IYD: variants seen among roughly 807,000 people sequenced by gnomAD.
IYD encodes iodotyrosine deiodinase.
Under a neutral mutation model 28.4 loss-of-function variants are expected in IYD, and 25 were observed. The observed-to-expected ratio is 0.88, with a 90% CI of 0.64 to 1.23. IYD has a LOEUF of 1.23. IYD is among the 50% of genes most tolerant of loss of function. IYD has a pLI of 0.00. For missense variants in IYD, 352 were observed against 357.9 expected, an observed-to-expected ratio of 0.98 and a Z score of 0.13; for synonymous variants, 140 against 130.8, an observed-to-expected ratio of 1.07 and a Z score of -0.48.
At chr6:150,379,647 C>G (rs1777576354) in intron 1 of IYD, among the ~76,000 whole-genome samples, 1 of 152,154 alleles carries the variant, frequency 6.6e-6, no homozygotes, top group African/African-American at 2.4e-5. Context: ...AATCCTTTCC[C>G]TAAAATGTTA....
At chr6:150,375,830 T>C (rs1777425772) in intron 1 of IYD, among the ~76,000 whole-genome samples, 1 of 152,112 alleles carries the variant, frequency 6.6e-6, no homozygotes, top group Non-Finnish European at 1.5e-5. Context: ...TCCTCCTTAG[T>C]AACATCACTC....
chr6:150,387,217 G>A (rs568469789), intron 1 of IYD, among the ~76,000 whole-genome samples: 6 of 151,986 alleles, frequency 3.9e-5, no homozygotes, highest in African/African-American at 1.4e-4. Flanking sequence ...CCTGAAGTTT[G>A]GCACCTTCTT....
At chr6:150,393,005 G>A (rs74972795) in intron 3 of IYD, among the ~76,000 whole-genome samples, 2,959 of 152,214 alleles carry the variant, frequency 0.019, 49 homozygotes, top group Middle Eastern at 0.068. Context: ...TGCTCCGGGC[G>A]CCGAAGCACA....
chr6:150,374,834 C>T (rs1777387417), intron 1 of IYD, among the ~76,000 whole-genome samples: 2 of 152,168 alleles, frequency 1.3e-5, no homozygotes, highest in South Asian at 4.1e-4. Context: ...GGGTGGGCAC[C>T]TCTTACTTGG....
chr6:150,395,994 C>T lies in IYD; in HGVS notation c.687+1739C>T, dbSNP rs1364594120. On this transcript the variant is annotated intron_variant, in intron 4 of 4. Coordinates refer to ENST00000344419, the MANE Select transcript of IYD (RefSeq NM_203395.3). Reference sequence around the variant, plus strand: ...TTGGCTCTGTAGTCATAGGAACTTGCCGTGGTGGTTGTTGTTTAGAATATA... The same window carrying T: ...TTGGCTCTGTAGTCATAGGAACTTGTCGTGGTGGTTGTTGTTTAGAATATA... 5 of 338,798 alleles carry T rather than the reference C, an allele frequency of 1.5e-5. No homozygotes were observed. The Admixed American group carries it at 1.7e-4, about 12-fold the overall frequency. 21.0% of individuals were successfully genotyped at this position (338,798 alleles called of 1,614,324 possible).
intron 1 of IYD, among the ~76,000 whole-genome samples, chr6:150,379,742 A>G (rs1777579422): frequency 6.6e-6 from 1 of 152,328 alleles, no homozygotes; most frequent in African/African-American, 2.4e-5. Flanking sequence ...AAACTTTGTC[A>G]TAAACCATTG....
intron 1 of IYD, among the ~76,000 whole-genome samples, chr6:150,380,153 C>A (rs1302526929): frequency 6.6e-6 from 1 of 152,144 alleles, no homozygotes; most frequent in Non-Finnish European, 1.5e-5. Flanking sequence ...TTCCATCTTC[C>A]AGGAAGATTT....
intron 2 of IYD, among the ~76,000 whole-genome samples, chr6:150,391,427 C>T (rs557763733): frequency 2.4e-4 from 37 of 152,252 alleles, no homozygotes; most frequent in Non-Finnish European, 4.9e-4. Context: ...TATTCTTTTT[C>T]AAGATTACTA....
intron 1 of IYD, among the ~76,000 whole-genome samples, chr6:150,381,434 T>C (rs1261303858): frequency 1.3e-5 from 2 of 152,196 alleles, no homozygotes; most frequent in Admixed American, 1.3e-4. Context: ...AATTAATCTC[T>C]ATGGCCTTCT....
chr6:150,379,874 A>G (rs1243504445), intron 1 of IYD, among the ~76,000 whole-genome samples: 1 of 152,170 alleles, frequency 6.6e-6, no homozygotes, highest in Non-Finnish European at 1.5e-5. Flanking sequence ...CTCTTCCTCT[A>G]TAAAGAAGGG....
At chr6:150,378,364 G>A (rs1270181347) in intron 1 of IYD, among the ~76,000 whole-genome samples, 1 of 150,108 alleles carries the variant, frequency 6.7e-6, no homozygotes, top group African/African-American at 2.5e-5. Flanking sequence ...AGAGTGTGAT[G>A]TTCCCCTTCC....
rs1040218816 is a variant in IYD at position 150,403,577 on chromosome 6, T to C, written c.*5340T>C. On this transcript the variant is annotated 3_prime_UTR_variant, in exon 5 of 5. Coordinates refer to ENST00000344419, the MANE Select transcript of IYD (RefSeq NM_203395.3). Reference sequence around the variant, plus strand: ...GCTGATGCCAGGTCTGCTCCCTATCTGGGTGGCCTCAGCAAATGACGTCCA... The same window carrying C: ...GCTGATGCCAGGTCTGCTCCCTATCCGGGTGGCCTCAGCAAATGACGTCCA... The C allele has an allele frequency of 6.6e-6, 1 of 152,248 alleles. No homozygotes were observed. Among genetic ancestry groups the C allele is most frequent in the Non-Finnish European group, 1.5e-5 (1 of 68,046 alleles). The allele number at this position is 152,248 out of a possible 1,614,324, so 9.4% of individuals were successfully genotyped here.
In IYD at chr6:150,400,687, C is replaced by T. The variant is rs1042886983; in HGVS notation, c.*2450C>T. The T allele has an allele frequency of 1.3e-5, 2 of 152,162 alleles. No individual in the cohort carries two copies. Among genetic ancestry groups the T allele is most frequent in the African/African-American group, 2.4e-5 (1 of 41,432 alleles). 9.4% of individuals were successfully genotyped at this position (152,162 alleles called of 1,614,324 possible). On this transcript the variant is annotated 3_prime_UTR_variant, in exon 5 of 5. Transcript: ENST00000344419. ...TGCTACTCAAAGAGTGGTCCTGGGC[C>T]TGTATCATCATTGGGACCACCTGGG...
intron 1 of IYD, chr6:150,384,815 A>G (rs1466828036): frequency 2.0e-5 from 3 of 152,236 alleles, no homozygotes; most frequent in Non-Finnish European, 2.9e-5. Context: ...TGTAGAGACT[A>G]TCTTGAACTT....
Position 150,400,625 on chromosome 6 carries a change from C to T in IYD, c.*2388C>T, listed in dbSNP as rs1258108947. On this transcript the variant is annotated 3_prime_UTR_variant, in exon 5 of 5. Coordinates refer to ENST00000344419, the MANE Select transcript of IYD (RefSeq NM_203395.3). ...CCTGGACTATTTAAGGAGTGAGTGTCACTGTGGGAAGAATAAGAGGGGGAC... is the reference window on the plus strand; with the variant it reads ...CCTGGACTATTTAAGGAGTGAGTGTTACTGTGGGAAGAATAAGAGGGGGAC... 6.6e-6 allele frequency: 1 copy of T among 152,144 alleles called. No homozygotes were observed. Among genetic ancestry groups the T allele is most frequent in the Non-Finnish European group, 1.5e-5 (1 of 68,034 alleles). The allele number at this position is 152,144 out of a possible 1,614,324, so 9.4% of individuals were successfully genotyped here.
Position 150,398,185 on chromosome 6 carries a change from C to T in IYD, c.818C>T (p.Thr273Met), listed in dbSNP as rs141250255. 162 of 1,614,172 alleles carry T rather than the reference C, an allele frequency of 1.0e-4. 1 individual carries two copies. Among genetic ancestry groups the T allele is most frequent in the East Asian group, 3.6e-4 (16 of 44,872 alleles). ...LPVGYPSKEATVPDLKRKPLD... is the reference protein window; with the variant it reads ...LPVGYPSKEAMVPDLKRKPLD... ...GTGGGGTACCCCAGCAAGGAGGCCA[C>T]GGTGCCTGACCTCAAGCGCAAACCT... The change falls in exon 5 of 5, where the codon ACG (threonine) becomes ATG (methionine). Residue 273 changes from threonine (T) to methionine (M), a missense_variant. By Grantham distance (81) the Thr-to-Met change is moderately conservative (BLOSUM62 -1). Transcript: ENST00000344419.
intron 2 of IYD, 111 bp downstream of exon 2, chr6:150,389,654 T>G: frequency 1.0e-6 from 1 of 986,444 alleles, no homozygotes; most frequent in Non-Finnish European, 1.6e-6. Context: ...TAGAGTGATA[T>G]GTTTATCTAT....
chr6:150,397,562 T>G (rs1485513961), intron 4 of IYD, among the ~76,000 whole-genome samples: 1 of 113,552 alleles, frequency 8.8e-6, no homozygotes, highest in African/African-American at 3.6e-5. Flanking sequence ...AGAGCCATAC[T>G]TTGTCTCAAA....
intron 1 of IYD, among the ~76,000 whole-genome samples, chr6:150,386,976 A>T (rs749690459): frequency 2.6e-5 from 4 of 152,110 alleles, no homozygotes; most frequent in Non-Finnish European, 4.4e-5. Context: ...AAATTCAGTT[A>T]TTTCTGTGTT....
Sources: allele counts gnomAD v4.1 joint callset (sites outside exome capture counted in the v4.1 genomes callset), GRCh38; gene constraint gnomAD v4.1.1; transcripts MANE v1.5; gene names NCBI Gene and HGNC (gene_info 2026-07-23, HGNC 2026-07-21).